Variants in LPIN1 observed in about 807,000 individuals in gnomAD.
LPIN1 encodes the protein lipin 1.
Under a neutral mutation model 107.5 loss-of-function variants are expected in LPIN1, and 71 were observed. That is an observed-to-expected ratio of 0.66 (90% CI 0.55 to 0.80). The LOEUF (loss-of-function observed/expected upper bound fraction) is 0.80, where lower values mean the gene tolerates loss of function less well. Among genes scored for constraint, LPIN1 ranks in the 30% least tolerant of loss-of-function variants. The probability of loss-of-function intolerance (pLI) is 0.00; values close to 1 mark genes in which losing one functional copy is unlikely to be tolerated. For synonymous variants in LPIN1, 445 were observed against 452.6 expected, an observed-to-expected ratio of 0.98 and a Z score of 0.21; for missense variants, 1,043 against 1,160.6, an observed-to-expected ratio of 0.90 and a Z score of 1.47.
rs745398954 is a variant in LPIN1, at chr2:11,804,496, G to A, written c.2087G>A (p.Arg696His). ...SVTTQYQGTC[R>H]CEGTIYLWNW... The stretch of plus-strand genomic sequence containing the variant: ...ACCACGCAGTACCAAGGCACGTGCC[G>A]CTGTGAGGGCACCATCTATCTGTGG... The change falls in exon 16 of 21, where the codon CGC (arginine) becomes CAC (histidine). Residue 696 changes from arginine to histidine, a missense_variant. Coordinates refer to ENST00000674199, the MANE Select transcript of LPIN1 (RefSeq NM_001349206.2). 24 of 1,613,982 alleles carry A rather than the reference G, an allele frequency of 1.5e-5. No homozygotes were observed. The East Asian group carries it at 1.8e-4, about 12-fold the overall frequency.
intron 1 of LPIN1, among the ~76,000 whole-genome samples, chr2:11,734,831 A>G (rs1665620329): frequency 1.3e-5 from 2 of 152,188 alleles, no homozygotes; most frequent in African/African-American, 4.8e-5. Context: ...GCTCTTAGAG[A>G]AGCGGGGGGA....
chr2:11,697,236 C>G lies in LPIN1; in HGVS notation c.82-16520C>G, dbSNP rs1414087100. Among the ~76,000 whole-genome samples, 1 of 152,212 alleles carries G rather than the reference C, an allele frequency of 6.6e-6. No homozygotes were observed. Among genetic ancestry groups the G allele is most frequent in the African/African-American group, 2.4e-5 (1 of 41,464 alleles). On this transcript the variant is annotated intron_variant, in intron 1 of 21. Coordinates refer to the LPIN1 transcript ENST00000449576. The surrounding 1 kb of genome is among the most constrained non-coding windows in gnomAD (Gnocchi z 4.6). ...TGCAATCGGAGGGCTGCGTGCTCCC[C>G]CTGATCAGCCCCCAGCTGCTTCTGG... is the stretch of plus-strand genomic sequence containing the variant.
intron 3 of LPIN1, among the ~76,000 whole-genome samples, chr2:11,770,727 C>T (rs1671705181): frequency 6.6e-6 from 1 of 152,174 alleles, no homozygotes; most frequent in African/African-American, 2.4e-5. Flanking sequence ...ATAAAAACTG[C>T]TGAATCATTA....
At chr2:11,742,430 A>G (rs138763369), upstream of LPIN1, among the ~76,000 whole-genome samples, 21 of 152,198 alleles carry the variant, frequency 1.4e-4, 1 homozygote, top group East Asian at 4.1e-3. Context: ...TTAGCACTGG[A>G]GAATGTGAGA....
intron 18 of LPIN1, chr2:11,818,858 T>C (rs1304825013): frequency 6.6e-6 from 1 of 152,158 alleles, no homozygotes; most frequent in East Asian, 1.9e-4. Context: ...AATTTAAGTA[T>C]TTTAAAAAAT....
chr2:11,714,272 C>T (rs998880545), intron 2 of LPIN1, among the ~76,000 whole-genome samples: 14 of 152,226 alleles, frequency 9.2e-5, no homozygotes, highest in South Asian at 8.3e-4. Context: ...TTCCTCCCAC[C>T]GCAGCCTCTT....
intron 1 of LPIN1, among the ~76,000 whole-genome samples, chr2:11,747,233 C>T (rs1667097857): frequency 6.6e-6 from 1 of 152,230 alleles, no homozygotes; most frequent in African/African-American, 2.4e-5. Flanking sequence ...AATCCCGGTT[C>T]TCATATTACA....
chr2:11,716,282 C>T (rs1450343456), intron 2 of LPIN1, among the ~76,000 whole-genome samples: 1 of 152,042 alleles, frequency 6.6e-6, no homozygotes, highest in Admixed American at 6.6e-5. Context: ...TGTTGTGTCC[C>T]GCTGTCCGCA....
chr2:11,822,448 TAA>T (rs879659668), intron 20 of LPIN1, among the ~76,000 whole-genome samples: 2 of 131,914 alleles, frequency 1.5e-5, no homozygotes. Flanking sequence ...AGACTCCATC[TAA>T]AAAAAAAAAA....
Position 11,768,282 on chromosome 2 carries a change from G to A in LPIN1, c.288+424G>A, listed in dbSNP as rs531918392. On this transcript the variant is annotated intron_variant, in intron 3 of 20. Transcript: ENST00000674199. The stretch of plus-strand genomic sequence containing the variant: ...TATACACAATTTACCCATTTCAAGT[G>A]TACACGTAGTGGTTTTAGTATATTT... Among the ~76,000 whole-genome samples, 5 of 152,302 alleles carry A rather than the reference G, an allele frequency of 3.3e-5. No homozygotes were observed. In the South Asian group the frequency reaches 8.3e-4, roughly 25 times the overall value.
In LPIN1 at chr2:11,773,740, T is replaced by C; in HGVS notation, c.717T>C (p.Thr239=). The change falls in exon 5 of 21, where the codon ACT becomes ACC. Residue 239 remains threonine (T), a synonymous_variant. Transcript: ENST00000674199. ...ATTCGGATAGAGAGTGGTCACCCAC[T>C]CCCAGGTAAGCTGTTCCCTGTTCCC... ...YPNSDREWSP[T]PSSLVDCKRT... is the part of the protein sequence containing the mutation. The C allele has an allele frequency of 6.2e-7, 1 of 1,614,078 alleles. No homozygotes were observed. The highest frequency in any genetic ancestry group is 2.2e-5 in the East Asian group (1 of 44,874).
chr2:11,767,706 G>A, intron 2 of LPIN1, 57 bp from the exon 3 acceptor site: 1 of 1,093,604 alleles, frequency 9.1e-7, no homozygotes, highest in Non-Finnish European at 1.4e-6. Context: ...GTCCCCATGA[G>A]GTCTCCTGTC....
intron 1 of LPIN1, chr2:11,682,156 C>T (rs1490770133): frequency 6.6e-6 from 1 of 152,490 alleles, no homozygotes; most frequent in Non-Finnish European, 1.5e-5. Context: ...TCTCTCTCCT[C>T]TCAGCGTCCT....
intron 1 of LPIN1, among the ~76,000 whole-genome samples, chr2:11,689,834 G>T (rs1320686652): frequency 1.3e-5 from 2 of 152,220 alleles, no homozygotes; most frequent in Admixed American, 6.5e-5. Flanking sequence ...GAACCCGGGA[G>T]GTGGAGGTTG....
At chr2:11,820,621 A>C in intron 20 of LPIN1, 107 bp downstream of exon 20, 1 of 755,272 alleles carries the variant, frequency 1.3e-6, no homozygotes. Context: ...CTATATGTTA[A>C]TCTGTAATTC....
At chr2:11,822,949 T>TGTTG (rs1344938599) in intron 20 of LPIN1, 1 of 152,188 alleles carries the variant, frequency 6.6e-6, no homozygotes, top group East Asian at 1.9e-4. Context: ...TGCCAGGGGA[T>TGTTG]GTTGACATTT....
intron 1 of LPIN1, among the ~76,000 whole-genome samples, chr2:11,686,808 G>A (rs780710621): frequency 6.6e-6 from 1 of 151,982 alleles, no homozygotes; most frequent in Non-Finnish European, 1.5e-5. Flanking sequence ...GTGATTAATC[G>A]ATATGGGTCC....
intron 1 of LPIN1, among the ~76,000 whole-genome samples, chr2:11,757,367 G>C (rs973553665): frequency 1.3e-5 from 2 of 152,248 alleles, no homozygotes; most frequent in Non-Finnish European, 2.9e-5. Context: ...AGACAGTCAT[G>C]AGATTAATGG....
chr2:11,698,099 G>A (rs1423640843), intron 1 of LPIN1, among the ~76,000 whole-genome samples: 1 of 152,188 alleles, frequency 6.6e-6, no homozygotes, highest in African/African-American at 2.4e-5. Flanking sequence ...ATCCTGCTGG[G>A]ATGTTGGTGT....
Sources: allele counts gnomAD v4.1 joint callset (sites outside exome capture counted in the v4.1 genomes callset), GRCh38; gene constraint gnomAD v4.1.1; non-coding constraint Gnocchi (gnomAD v3.1); transcripts MANE v1.5; gene names NCBI Gene and HGNC (gene_info 2026-07-23, HGNC 2026-07-21).